Variants in MAP2K2 observed in about 807,000 individuals in gnomAD.
MAP2K2 encodes the protein dual specificity mitogen-activated protein kinase kinase 2.
A neutral mutation model predicts 43.7 loss-of-function variants in MAP2K2; 24 were observed. The observed-to-expected ratio is 0.55, with a 90% CI of 0.40 to 0.77. MAP2K2 has a LOEUF of 0.77. Among genes scored for constraint, MAP2K2 ranks in the 30% least tolerant of loss-of-function variants. The pLI is 0.00. For missense variants in MAP2K2, 470 were observed against 566.8 expected (o/e 0.83, Z 1.73); for synonymous variants, 244 against 239.7 (o/e 1.02, Z -0.17).
chr19:4,105,100 C>T (rs2041066117), intron 3 of MAP2K2, among the ~76,000 whole-genome samples: 2 of 151,166 alleles, frequency 1.3e-5, no homozygotes, highest in East Asian at 1.9e-4. Flanking sequence ...GGGGGTATTG[C>T]AGCTGTGTAC....
At chr19:4,094,242 T>A (rs2040882723) in intron 10 of MAP2K2, among the ~76,000 whole-genome samples, 1 of 152,144 alleles carries the variant, frequency 6.6e-6, no homozygotes, top group Non-Finnish European at 1.5e-5. Flanking sequence ...GCACACACCC[T>A]CTGCTCCCCG....
intron 1 of MAP2K2, among the ~76,000 whole-genome samples, chr19:4,118,725 T>G (rs1599308513): frequency 6.6e-6 from 1 of 152,138 alleles, no homozygotes; most frequent in Admixed American, 6.6e-5. Context: ...GAGACTGCAG[T>G]GAGCCATGAT....
At chr19:4,118,564 G>A (rs1195228829) in intron 1 of MAP2K2, among the ~76,000 whole-genome samples, 1 of 152,122 alleles carries the variant, frequency 6.6e-6, no homozygotes, top group Non-Finnish European at 1.5e-5. Flanking sequence ...GGGCAGCAGA[G>A]GGAGGCTCTG....
At chr19:4,116,852 C>G (rs2041227638) in intron 2 of MAP2K2, among the ~76,000 whole-genome samples, 1 of 152,050 alleles carries the variant, frequency 6.6e-6, no homozygotes, top group African/African-American at 2.4e-5. Flanking sequence ...ATCCTTGAAC[C>G]CAGGAGGCGG....
intron 8 of MAP2K2, among the ~76,000 whole-genome samples, chr19:4,095,942 T>C (rs915789298): frequency 1.3e-5 from 2 of 152,178 alleles, no homozygotes; most frequent in Non-Finnish European, 2.9e-5. Flanking sequence ...GCCTGGCTAA[T>C]TTTTATATTT....
chr19:4,095,458 G>A lies in MAP2K2; in HGVS notation c.985-9C>T, dbSNP rs1329897582. ...GGCAGCTTAGGAGGTGGCTGTGGAG[G>A]AGAACAGAGGGTGGGGTCAGCCCTG... is the stretch of plus-strand genomic sequence containing the variant. On this transcript the variant is annotated splice_polypyrimidine_tract_variant and intron_variant, in intron 8 of 10. Coordinates refer to ENST00000262948, the MANE Select transcript of MAP2K2 (RefSeq NM_030662.4). The A allele has an allele frequency of 6.4e-7, 1 of 1,551,070 alleles. No individual in the cohort carries two copies. Among genetic ancestry groups the A allele is most frequent in the East Asian group, 2.4e-5 (1 of 40,910 alleles).
rs556009971 is a variant in MAP2K2, at chr19:4,107,430, G to A, written c.450+3079C>T. ...TCCCAGCTACTCGGGAGGCTGAGGCGGGAGAATGGCGTGAACCTGGGAGGT... is the reference window on the plus strand; with the variant it reads ...TCCCAGCTACTCGGGAGGCTGAGGCAGGAGAATGGCGTGAACCTGGGAGGT... On this transcript the variant is annotated intron_variant, in intron 3 of 10. Coordinates refer to ENST00000262948, the MANE Select transcript of MAP2K2 (RefSeq NM_030662.4). Among the ~76,000 whole-genome samples, 19 of 151,630 alleles carry A rather than the reference G, an allele frequency of 1.3e-4. No individual in the cohort carries two copies. The East Asian group carries it at 1.4e-3, about 11-fold the overall frequency.
At chr19:4,107,932 G>A (rs111434814) in intron 3 of MAP2K2, among the ~76,000 whole-genome samples, 1,958 of 152,206 alleles carry the variant, frequency 0.013, 38 homozygotes, top group African/African-American at 0.045. Context: ...GTCCTGTCCC[G>A]AACCCGTGGT....
intron 2 of MAP2K2, among the ~76,000 whole-genome samples, chr19:4,113,655 A>C (rs1263039229): frequency 1.3e-5 from 2 of 152,168 alleles, no homozygotes; most frequent in Admixed American, 1.3e-4. Context: ...TGCCAGCTCT[A>C]ATAGCTGATT....
In MAP2K2 at chr19:4,107,546, A is replaced by C. The variant is rs997780754; in HGVS notation, c.450+2963T>G. ...CTCAAAAAAAAAAAAAAAAAAAAAA[A>C]CAAACTTAAAAAGCTACTCAAGCGT... On this transcript the variant is annotated intron_variant, in intron 3 of 10. Coordinates refer to ENST00000262948, the MANE Select transcript of MAP2K2 (RefSeq NM_030662.4). Among the ~76,000 whole-genome samples the C allele has an allele frequency of 7.9e-5, 11 of 138,856 alleles. 1 individual carries two copies. In the East Asian group the frequency reaches 1.7e-3, roughly 21 times the overall value. The allele number at this position is 138,856 out of a possible 152,430, so 91.1% of individuals were successfully genotyped here.
In MAP2K2 at chr19:4,110,610, G is replaced by A. The variant is rs749389113; in HGVS notation, c.349C>T (p.Arg117Cys). Reference protein sequence around the residue: ...IKPAIRNQIIRELQVLHECNS... With the variant: ...IKPAIRNQIICELQVLHECNS... ...CATTCGTGCAGGACCTGCAGCTCGCGGATGATCTGGTTCCGGATGGCCGGC... is the reference window on the plus strand; with the variant it reads ...CATTCGTGCAGGACCTGCAGCTCGCAGATGATCTGGTTCCGGATGGCCGGC... The change falls in exon 3 of 11, where the codon CGC becomes TGC. Residue 117 changes from arginine to cysteine, a missense_variant. By Grantham distance (180) the Arg-to-Cys change is radical. Coordinates refer to ENST00000262948, the MANE Select transcript of MAP2K2 (RefSeq NM_030662.4). 3.7e-6 allele frequency: 6 copies of A among 1,613,752 alleles called. No homozygotes were observed. Among genetic ancestry groups the A allele is most frequent in the East Asian group, 2.2e-5 (1 of 44,890 alleles).
At chr19:4,116,525 C>A (rs1168369100) in intron 2 of MAP2K2, among the ~76,000 whole-genome samples, 4 of 151,548 alleles carry the variant, frequency 2.6e-5, no homozygotes, top group Non-Finnish European at 4.4e-5. Context: ...ATAAATCTCT[C>A]TCTACACATA....
chr19:4,095,697 G>A (rs982942877), intron 8 of MAP2K2, among the ~76,000 whole-genome samples: 1 of 151,932 alleles, frequency 6.6e-6, no homozygotes, highest in Non-Finnish European at 1.5e-5. Context: ...CCTCTCGAGT[G>A]TCGTCACTTG....
At chr19:4,094,752 C>A in intron 9 of MAP2K2, 1 of 547,564 alleles carries the variant, frequency 1.8e-6, no homozygotes. Flanking sequence ...TGGGAAACCC[C>A]GCCTGGTGGG....
In MAP2K2 at chr19:4,101,583, T is replaced by C. The variant is rs2041012949; in HGVS notation, c.529-303A>G. On this transcript the variant is annotated intron_variant, in intron 4 of 10. Coordinates refer to ENST00000262948, the MANE Select transcript of MAP2K2 (RefSeq NM_030662.4). This position sits in a 1 kb window ranked among gnomAD's most constrained non-coding sequence, Gnocchi z 6.3. ...CCAGGGAAGCTGAGATGGTGGCCCA[T>C]GGCCCGGGAGTAGGCTGGGCTGCCG... 1.3e-5 allele frequency among the ~76,000 whole-genome samples: 2 copies of C among 152,150 alleles called. No homozygotes were observed. Among genetic ancestry groups the C allele is most frequent in the African/African-American group, 4.8e-5 (2 of 41,448 alleles).
intron 10 of MAP2K2, among the ~76,000 whole-genome samples, chr19:4,092,544 G>C (rs1385904339): frequency 6.6e-6 from 1 of 152,060 alleles, no homozygotes; most frequent in African/African-American, 2.4e-5. Context: ...AGCCGAGATT[G>C]CGCCACTGCA....
chr19:4,099,147 G>A, intron 7 of MAP2K2, 54 bp downstream of exon 7: 1 of 1,466,034 alleles, frequency 6.8e-7, no homozygotes. Flanking sequence ...GGCACAGCAG[G>A]CCCCGCGCAG....
chr19:4,123,734 G>A (rs2145089600), intron 1 of MAP2K2, 50 bp downstream of exon 1: 2 of 1,384,236 alleles, frequency 1.4e-6, no homozygotes, highest in East Asian at 2.9e-5. Context: ...TTCCCCGAGG[G>A]CTCCCTGCCC....
intron 1 of MAP2K2, among the ~76,000 whole-genome samples, chr19:4,121,436 C>G (rs553593376): frequency 6.6e-6 from 1 of 151,464 alleles, no homozygotes; most frequent in African/African-American, 2.4e-5. Flanking sequence ...CACTGGGCAC[C>G]GCCACAAGCA....
Sources: gnomAD v4.1 joint callset for allele counts (sites outside exome capture counted in the v4.1 genomes callset) on GRCh38, gnomAD v4.1.1 for gene constraint, Gnocchi (gnomAD v3.1) non-coding constraint, MANE v1.5 for transcripts, NCBI Gene and HGNC (gene_info 2026-07-23, HGNC 2026-07-21) for gene names.